Variants in RGSL1 observed in about 807,000 individuals in gnomAD.
RGSL1 encodes regulator of G protein signaling like 1.
A neutral mutation model predicts 124.7 loss-of-function variants in RGSL1; 97 were observed. That is an observed-to-expected ratio of 0.78 (90% CI 0.66 to 0.92). The LOEUF is 0.92. RGSL1 is among the 40% of genes least tolerant of loss of function. The pLI is 0.00. For synonymous variants in RGSL1, 424 were observed against 438.1 expected, an observed-to-expected ratio of 0.97 and a Z score of 0.40; for missense variants, 1,233 against 1,288.4, an observed-to-expected ratio of 0.96 and a Z score of 0.66.
chr1:182,450,633 A>G (rs1187036416), intron 1 of RGSL1: 3 of 220,880 alleles, frequency 1.4e-5, no homozygotes, highest in Non-Finnish European at 2.8e-5. Flanking sequence ...AAGGATGTAC[A>G]GAGCCTTGTC....
At chr1:182,531,019 A>T in intron 13 of RGSL1, 109 bp downstream of exon 13, 1 of 1,270,952 alleles carries the variant, frequency 7.9e-7, no homozygotes, top group Non-Finnish European at 1.1e-6. Context: ...GACTCAGATA[A>T]ATTACTATAC....
chr1:182,450,159 T>C lies in RGSL1; in HGVS notation c.-7T>C. ...ACAAATTACTGTGTCAGGAAGAGCA[T>C]GGCAACATGAGCAGTGCTGGTGAGT... On this transcript the variant is annotated 5_prime_UTR_variant, in exon 1 of 22. It removes an upstream start codon present in the reference 5' UTR. Coordinates refer to ENST00000294854, the MANE Select transcript of RGSL1 (RefSeq NM_001137669.2). The C allele has an allele frequency of 3.9e-6, 6 of 1,552,054 alleles. No homozygotes were observed. The highest frequency in any genetic ancestry group is 5.2e-6 in the Non-Finnish European group (6 of 1,147,018).
chr1:182,485,882 C>T (rs893028666), intron 6 of RGSL1, among the ~76,000 whole-genome samples: 4 of 152,176 alleles, frequency 2.6e-5, no homozygotes, highest in African/African-American at 9.7e-5. Flanking sequence ...ATTTTAGTGT[C>T]CATAAATAAA....
intron 14 of RGSL1, among the ~76,000 whole-genome samples, chr1:182,535,363 C>T (rs1461151100): frequency 6.6e-6 from 1 of 152,050 alleles, no homozygotes; most frequent in African/African-American, 2.4e-5. Flanking sequence ...TTTCTTAAGC[C>T]AGAGTGTGTG....
At chr1:182,493,167 GT>G in intron 9 of RGSL1, 38 bp downstream of exon 9, 1 of 1,351,252 alleles carries the variant, frequency 7.4e-7, no homozygotes, top group Non-Finnish European at 1.0e-6. Flanking sequence ...AGGCAACTAG[GT>G]TTTTTCAAAT....
intron 2 of RGSL1, among the ~76,000 whole-genome samples, chr1:182,455,983 T>C (rs2101984745): frequency 6.6e-6 from 1 of 152,220 alleles, no homozygotes; most frequent in Non-Finnish European, 1.5e-5. Context: ...GGAAAGCGGT[T>C]AGGAGGTTGT....
At chr1:182,479,022 TA>T (rs1295817658) in intron 6 of RGSL1, among the ~76,000 whole-genome samples, 2 of 152,006 alleles carry the variant, frequency 1.3e-5, no homozygotes, top group African/African-American at 4.8e-5. Flanking sequence ...AAGAAGTGTT[TA>T]AAAAAAATCT....
In RGSL1 at chr1:182,455,169, A is replaced by G. The variant is rs747862501; in HGVS notation, c.96+1129A>G. On this transcript the variant is annotated intron_variant, in intron 2 of 21. Coordinates refer to ENST00000294854, the MANE Select transcript of RGSL1 (RefSeq NM_001137669.2). The stretch of plus-strand genomic sequence containing the variant: ...AGTGGGAGTACAGTACTCATGAGAC[A>G]GAGAGATCATCCCTACCTGGAAAAG... Among the ~76,000 whole-genome samples the G allele has an allele frequency of 1.7e-3, 257 of 152,360 alleles. 2 individuals are homozygous for G. The highest frequency in any genetic ancestry group is 5.0e-3 in the Admixed American group (76 of 15,300).
rs189759801 is a variant in RGSL1 at position 182,463,110 on chromosome 1, G to C, written c.301+2977G>C. On this transcript the variant is annotated intron_variant, in intron 4 of 21. Coordinates refer to ENST00000294854, the MANE Select transcript of RGSL1 (RefSeq NM_001137669.2). Reference sequence around the variant, plus strand: ...AGATCGAGACCATCCTGGCTAACACGGTGAAACCCCGTCTCTATTAAAAAT... The same window carrying C: ...AGATCGAGACCATCCTGGCTAACACCGTGAAACCCCGTCTCTATTAAAAAT... Among the ~76,000 whole-genome samples, 1,100 of 152,032 alleles carry C rather than the reference G, an allele frequency of 7.2e-3. 13 individuals carry two copies. Among genetic ancestry groups the C allele is most frequent in the Middle Eastern group, 0.038 (11 of 292 alleles).
At chr1:182,450,061 C>A (rs1651689471), upstream of RGSL1, 2 of 1,334,674 alleles carry the variant, frequency 1.5e-6, no homozygotes, top group Non-Finnish European at 2.1e-6. Context: ...GAATCTGGAA[C>A]CCCTTAGAGA....
chr1:182,492,470 G>T (rs942977650), intron 8 of RGSL1, among the ~76,000 whole-genome samples: 5 of 152,030 alleles, frequency 3.3e-5, no homozygotes, highest in African/African-American at 1.2e-4. Context: ...CAACCCTCAG[G>T]CAAATAATCT....
At chr1:182,519,594 C>T (rs1479617801) in intron 9 of RGSL1, among the ~76,000 whole-genome samples, 1 of 152,064 alleles carries the variant, frequency 6.6e-6, no homozygotes, top group Non-Finnish European at 1.5e-5. Flanking sequence ...AGCTTCAGAA[C>T]TTCCGGACTA....
At chr1:182,502,779 A>T (rs962628876) in intron 9 of RGSL1, among the ~76,000 whole-genome samples, 1 of 151,088 alleles carries the variant, frequency 6.6e-6, no homozygotes, top group Non-Finnish European at 1.5e-5. Context: ...TTTTGAGCTA[A>T]AGGAAATTAA....
rs1200143513 is a variant in RGSL1 at position 182,488,595 on chromosome 1, G to A, written c.1494+248G>A. ...CAAAAAATTAGCCGGGCGTAGTGGC[G>A]GGCGCCTGTAGTCCCAGCTACTTGG... On this transcript the variant is annotated intron_variant, in intron 7 of 21. Transcript: ENST00000294854. The A allele has an allele frequency of 2.8e-5, 12 of 434,582 alleles. No individual in the cohort carries two copies. The East Asian group carries it at 4.3e-4, about 16-fold the overall frequency. 26.9% of individuals were successfully genotyped at this position (434,582 alleles called of 1,614,324 possible).
rs1038155781 is a variant in RGSL1, at chr1:182,524,494, A to C, written c.1931+2385A>C. On this transcript the variant is annotated intron_variant, in intron 10 of 21. Coordinates refer to ENST00000294854, the MANE Select transcript of RGSL1 (RefSeq NM_001137669.2). ...CAAGAACATTCTAAGTAGTCTCTCC[A>C]TAAAAGTAAAACTGGGAAAACCAGT... Among the ~76,000 whole-genome samples the C allele has an allele frequency of 3.3e-5, 5 of 152,358 alleles. No homozygotes were observed. In the East Asian group the frequency reaches 9.6e-4, roughly 29 times the overall value.
intron 6 of RGSL1, among the ~76,000 whole-genome samples, chr1:182,478,313 G>C (rs950425026): frequency 2.0e-5 from 3 of 151,760 alleles, no homozygotes; most frequent in Non-Finnish European, 4.4e-5. Flanking sequence ...GACAAAATCA[G>C]AAAAACATGC....
chr1:182,529,386 G>A (rs1658998967), intron 11 of RGSL1, among the ~76,000 whole-genome samples: 2 of 152,154 alleles, frequency 1.3e-5, no homozygotes, highest in South Asian at 2.1e-4. Context: ...GCCTGCAAAG[G>A]TGGAATATCC....
At chr1:182,491,320 A>G (rs1558299501) in intron 8 of RGSL1, among the ~76,000 whole-genome samples, 2 of 151,940 alleles carry the variant, frequency 1.3e-5, no homozygotes, top group Non-Finnish European at 2.9e-5. Flanking sequence ...GGTTCATGCA[A>G]TTCTCCTGCC....
At chr1:182,481,736 A>C (rs186700198) in intron 6 of RGSL1, among the ~76,000 whole-genome samples, 2 of 133,460 alleles carry the variant, frequency 1.5e-5, no homozygotes, top group Admixed American at 8.0e-5. Flanking sequence ...TAACCCCAGC[A>C]CTTTGCGAGG....
Sources: allele counts gnomAD v4.1 joint callset (sites outside exome capture counted in the v4.1 genomes callset), GRCh38; gene constraint gnomAD v4.1.1; transcripts MANE v1.5; gene names NCBI Gene and HGNC (gene_info 2026-07-23, HGNC 2026-07-21).